The following SLC28A1 variants were observed in gnomAD, a reference collection of about 807,000 sequenced individuals.
SLC28A1 encodes solute carrier family 28 member 1, also known as sodium/nucleoside cotransporter 1.
In SLC28A1, 64 loss-of-function variants were observed where a neutral mutation model predicts 74.8. The observed-to-expected ratio is 0.86, with a 90% CI of 0.70 to 1.05. The LOEUF (loss-of-function observed/expected upper bound fraction) is 1.05. SLC28A1 is among the 50% of genes least tolerant of loss of function. The pLI, the probability that SLC28A1 is intolerant of heterozygous loss-of-function variation, is 0.00. For synonymous variants in SLC28A1, 359 were observed against 335.0 expected (o/e 1.07, Z -0.78); for missense variants, 828 against 822.8 (o/e 1.01, Z -0.08).
At chr15:84,909,780 G>A (rs1967860078) in intron 9 of SLC28A1, among the ~76,000 whole-genome samples, 1 of 152,226 alleles carries the variant, frequency 6.6e-6, no homozygotes, top group Non-Finnish European at 1.5e-5. Flanking sequence ...GGCACTGAGA[G>A]GGAAATCAGG....
chr15:84,901,528 A>G (rs1015663493), intron 6 of SLC28A1, among the ~76,000 whole-genome samples: 1 of 132,956 alleles, frequency 7.5e-6, no homozygotes, highest in African/African-American at 2.5e-5. Context: ...AAAAACAAAC[A>G]AACAAACAAA....
At chr15:84,934,369 G>A (rs1971645303) in intron 13 of SLC28A1, among the ~76,000 whole-genome samples, 1 of 152,174 alleles carries the variant, frequency 6.6e-6, no homozygotes, top group African/African-American at 2.4e-5. Context: ...CTGACTGCCA[G>A]GGTGTCAACC....
chr15:84,933,037 A>T (rs890685705), intron 12 of SLC28A1, 108 bp from the exon 13 acceptor site: 19 of 1,032,360 alleles, frequency 1.8e-5, no homozygotes, highest in Admixed American at 1.4e-4. Context: ...ATGAGGACAT[A>T]TCAGTGGGAC....
Position 84,928,524 on chromosome 15 carries a change from TTCG to T in SLC28A1, c.1083+4416_1083+4418del, listed in dbSNP as rs1233756800. ...CCTTTCCTTCAAGCTCCCAGGTTCG[TTCG>T]TTCTTTCTTTCTTTCTTTCTTTCTT... On this transcript the variant is annotated intron_variant, in intron 12 of 18. Coordinates refer to ENST00000394573, the MANE Select transcript of SLC28A1 (RefSeq NM_004213.5). Among the ~76,000 whole-genome samples the T allele has an allele frequency of 2.8e-4, 7 of 25,352 alleles. 1 individual carries two copies. The highest frequency in any genetic ancestry group is 8.3e-4 in the African/African-American group (4 of 4,796). 16.6% of individuals were successfully genotyped at this position (25,352 alleles called of 152,430 possible).
At chr15:84,975,228 A>G in the SLC28A1 span, among the ~76,000 whole-genome samples, 1 of 152,208 alleles carries the variant, frequency 6.6e-6, no homozygotes, top group Non-Finnish European at 1.5e-5. Flanking sequence ...TAGCAGTGAC[A>G]CATACTTTTT....
chr15:84,892,121 G>A (rs1164590329), intron 5 of SLC28A1, among the ~76,000 whole-genome samples: 1 of 152,052 alleles, frequency 6.6e-6, no homozygotes, highest in Admixed American at 6.6e-5. Flanking sequence ...AGGCTGTAGT[G>A]GGAGGATTGT....
chr15:84,950,322 T>TAGAAA (rs1250553073), downstream of SLC28A1, among the ~76,000 whole-genome samples: 1 of 150,386 alleles, frequency 6.6e-6, no homozygotes, highest in Non-Finnish European at 1.5e-5. Flanking sequence ...TTGACCCGTG[T>TAGAAA]AGAAAGACAG....
the SLC28A1 span, among the ~76,000 whole-genome samples, chr15:84,965,911 G>GGGGGGGGGGGC: frequency 4.1e-5 from 6 of 145,856 alleles, no homozygotes; most frequent in East Asian, 2.0e-4. Context: ...GGAGGGGGGG[G>GGGGGGGGGGGC]AAATATTAGG....
intron 10 of SLC28A1, among the ~76,000 whole-genome samples, chr15:84,918,996 C>T (rs142454488): frequency 6.6e-6 from 1 of 152,160 alleles, no homozygotes; most frequent in Non-Finnish European, 1.5e-5. Flanking sequence ...GATCTTCACC[C>T]TCACAGAATC....
chr15:84,889,749 C>A (rs1435907607), intron 4 of SLC28A1, among the ~76,000 whole-genome samples: 1 of 68,956 alleles, frequency 1.5e-5, no homozygotes, highest in African/African-American at 5.0e-5. Context: ...TCCTTCCTTC[C>A]TTCCTTCCTT....
At chr15:84,895,437 C>G (rs377541097) in intron 6 of SLC28A1, 26 of 1,613,814 alleles carry the variant, frequency 1.6e-5, no homozygotes, top group Non-Finnish European at 2.1e-5. Flanking sequence ...ATCACCTGGA[C>G]AGTGTGAGAC....
chr15:84,898,834 A>G (rs1022485264), intron 6 of SLC28A1, among the ~76,000 whole-genome samples: 1 of 152,158 alleles, frequency 6.6e-6, no homozygotes, highest in Admixed American at 6.6e-5. Context: ...GGGAAGGAAA[A>G]CTGAGGTGGG....
chr15:84,921,826 T>C (rs918169613), intron 11 of SLC28A1, among the ~76,000 whole-genome samples: 8 of 152,168 alleles, frequency 5.3e-5, no homozygotes, highest in African/African-American at 1.9e-4. Flanking sequence ...AGATAAACTG[T>C]CAAAAAAATC....
At chr15:84,889,143 C>G (rs1964973211) in intron 4 of SLC28A1, among the ~76,000 whole-genome samples, 1 of 152,210 alleles carries the variant, frequency 6.6e-6, no homozygotes, top group Non-Finnish European at 1.5e-5. Flanking sequence ...CCCTCTCAAC[C>G]TCCCCCTTCT....
chr15:84,895,847 C>G, intron 6 of SLC28A1: 2 of 1,074,154 alleles, frequency 1.9e-6, no homozygotes, highest in Non-Finnish European at 2.3e-6. Flanking sequence ...AAGCTGGTGA[C>G]CAAAGATACC....
At position 84,905,472 on chromosome 15, in the gene SLC28A1, C is replaced by T. The variant is rs1185013021; in HGVS notation, c.604-67C>T. ...GGCAGGGCAATGCCCCCTGCTCTCA[C>T]CCCCACCCGGCTCCCTGCCCATCCC... On this transcript the variant is annotated intron_variant, in intron 7 of 18. Coordinates refer to ENST00000394573, the MANE Select transcript of SLC28A1 (RefSeq NM_004213.5). 4.4e-6 allele frequency: 5 copies of T among 1,124,624 alleles called. No individual in the cohort carries two copies. The East Asian group carries it at 7.1e-5, about 16-fold the overall frequency. The allele number at this position is 1,124,624 out of a possible 1,614,324, so 69.7% of individuals were successfully genotyped here.
chr15:84,940,022 C>T (rs1972460095), intron 15 of SLC28A1, among the ~76,000 whole-genome samples: 1 of 152,064 alleles, frequency 6.6e-6, no homozygotes, highest in Admixed American at 6.6e-5. Context: ...GAGACGGGGT[C>T]TCGCCGTATT....
In SLC28A1 at chr15:84,924,025, T is replaced by C. The variant is rs1206820782; in HGVS notation, c.998T>C (p.Met333Thr). ...CTGATCCGGCCCTACTTGGCAGACA[T>C]GACACTCTCTGAAGTCCACGTTGTC... is the stretch of plus-strand genomic sequence containing the variant. ...PLLIRPYLAD[M>T]TLSEVHVVMT... The change falls in exon 12 of 19, where the codon ATG becomes ACG. Residue 333 changes from methionine to threonine, a missense_variant. Physicochemically the swap from Met to Thr is moderately conservative, Grantham distance 81. Transcript: ENST00000394573. 6.2e-7 allele frequency: 1 copy of C among 1,614,040 alleles called. No homozygotes were observed. Among genetic ancestry groups the C allele is most frequent in the Non-Finnish European group, 8.5e-7 (1 of 1,180,020 alleles).
chr15:84,900,858 G>C (rs1966600096), intron 6 of SLC28A1, among the ~76,000 whole-genome samples: 3 of 147,550 alleles, frequency 2.0e-5, no homozygotes, highest in African/African-American at 7.7e-5. Flanking sequence ...AAGGGAAGGG[G>C]AAGGGTGAAA....
Sources: gnomAD v4.1 joint callset for allele counts (sites outside exome capture counted in the v4.1 genomes callset) on GRCh38, gnomAD v4.1.1 for gene constraint, MANE v1.5 for transcripts, NCBI Gene and HGNC (gene_info 2026-07-23, HGNC 2026-07-21) for gene names.